Variants in METTL16 observed in about 807,000 individuals in gnomAD.
METTL16 encodes the protein RNA N(6)-adenosine-methyltransferase METTL16.
A neutral mutation model predicts 57.9 loss-of-function variants in METTL16; 19 were observed. That is an observed-to-expected ratio of 0.33 (90% confidence interval 0.23 to 0.48). The LOEUF is 0.48. Ranked by LOEUF, METTL16 falls within the 20% of genes least tolerant of loss-of-function variation. METTL16 has a pLI of 0.99. For missense variants in METTL16, 434 were observed against 691.5 expected (o/e 0.63, Z 4.18); for synonymous variants, 246 against 255.6 (o/e 0.96, Z 0.36).
intron 2 of METTL16, among the ~76,000 whole-genome samples, chr17:2,482,682 G>A (rs570034009): frequency 5.9e-5 from 9 of 152,298 alleles, no homozygotes; most frequent in Admixed American, 2.0e-4. Flanking sequence ...CGAGGTGGGC[G>A]GACTGCTTGA....
intron 2 of METTL16, among the ~76,000 whole-genome samples, chr17:2,497,304 C>CCT (rs1278869778): frequency 8.1e-5 from 6 of 73,844 alleles, no homozygotes; most frequent in Non-Finnish European, 1.6e-4. Flanking sequence ...CTGCACCCGG[C>CCT]CTTTTTTTTT....
At chr17:2,505,690 T>C (rs571359958) in intron 1 of METTL16, among the ~76,000 whole-genome samples, 2 of 152,132 alleles carry the variant, frequency 1.3e-5, no homozygotes, top group East Asian at 3.9e-4. Flanking sequence ...CCGCACCTGG[T>C]TTACAGTAGC....
At chr17:2,500,652 G>A (rs546257348) in intron 2 of METTL16, among the ~76,000 whole-genome samples, 5 of 151,956 alleles carry the variant, frequency 3.3e-5, no homozygotes, top group Non-Finnish European at 7.4e-5. Context: ...GAATCACCAC[G>A]CCTCTCTCCA....
At chr17:2,507,111 A>G (rs1287175893) in intron 1 of METTL16, among the ~76,000 whole-genome samples, 3,498 of 129,248 alleles carry the variant, frequency 0.027, 68 homozygotes, top group African/African-American at 0.066. Context: ...CGCCCCGTCC[A>G]GGAGGTGAGG....
At chr17:2,475,154 C>T (rs1192016838) in intron 3 of METTL16, 1 of 152,186 alleles carries the variant, frequency 6.6e-6, no homozygotes, top group African/African-American at 2.4e-5. Flanking sequence ...ACTGCTTCCT[C>T]ATTACGCATC....
intron 6 of METTL16, among the ~76,000 whole-genome samples, chr17:2,448,899 C>T (rs1284554696): frequency 4.1e-5 from 6 of 147,886 alleles, no homozygotes; most frequent in Admixed American, 1.3e-4. Context: ...TGGTGGTGCG[C>T]GCCTGTAGTC....
intron 6 of METTL16, among the ~76,000 whole-genome samples, chr17:2,463,402 C>T (rs2067164828): frequency 6.6e-6 from 1 of 152,116 alleles, no homozygotes; most frequent in African/African-American, 2.4e-5. Flanking sequence ...CATGGAACAT[C>T]CTCAGAAACA....
intron 6 of METTL16, among the ~76,000 whole-genome samples, chr17:2,441,853 C>G (rs968408899): frequency 1.3e-5 from 2 of 152,176 alleles, no homozygotes; most frequent in African/African-American, 2.4e-5. Flanking sequence ...TCTCATCTGT[C>G]ATGCTTACAA....
chr17:2,463,818 T>A (rs756578079), intron 6 of METTL16, among the ~76,000 whole-genome samples: 5 of 152,018 alleles, frequency 3.3e-5, no homozygotes. Flanking sequence ...CTGAGTGACA[T>A]AGTTTGTTTT....
chr17:2,498,174 A>G (rs112929204), intron 2 of METTL16, among the ~76,000 whole-genome samples: 3,990 of 141,152 alleles, frequency 0.028, 164 homozygotes, highest in African/African-American at 0.074. Flanking sequence ...AGCCTGGGCG[A>G]CAGAGTAAGA....
chr17:2,441,527 C>T lies in METTL16; in HGVS notation c.761G>A (p.Ser254Asn). Residue 254 changes from serine to asparagine, a missense_variant, in exon 7 of 10, where the codon AGC (serine) becomes AAC (asparagine). Around this residue, in one of 5 missense-constraint regions of METTL16, gnomAD observed 96 missense variants for 138.3 expected, o/e 0.69. Coordinates refer to ENST00000263092, the MANE Select transcript of METTL16 (RefSeq NM_024086.4). The part of the protein sequence containing the change: ...WYSCMLGKKC[S>N]LAPLKEELRI... ...AAGCTCCTCCTTCAGAGGCGCCAGG[C>T]TGCATTTCTTTCCCAGCATGCAGCT... 2 of 1,596,692 alleles carry T rather than the reference C, an allele frequency of 1.3e-6. No individual in the cohort carries two copies. Among genetic ancestry groups the T allele is most frequent in the Non-Finnish European group, 1.7e-6 (2 of 1,170,208 alleles).
At chr17:2,426,647 C>G (rs187615944) in intron 8 of METTL16, among the ~76,000 whole-genome samples, 6 of 142,308 alleles carry the variant, frequency 4.2e-5, no homozygotes, top group African/African-American at 1.6e-4. Context: ...GAGAATTGCT[C>G]GAACCAGGGA....
At chr17:2,448,882 C>G (rs917310272) in intron 6 of METTL16, among the ~76,000 whole-genome samples, 11 of 138,512 alleles carry the variant, frequency 7.9e-5, no homozygotes, top group African/African-American at 2.9e-4. Context: ...CAAAAATTAG[C>G]TGGGTGTGGT....
chr17:2,460,290 T>C (rs923413884), intron 6 of METTL16: 1 of 152,000 alleles, frequency 6.6e-6, no homozygotes, highest in African/African-American at 2.4e-5. Flanking sequence ...AAGCACAAAA[T>C]GGCCAGCTCT....
At chr17:2,427,786 G>C (rs1413258299) in intron 8 of METTL16, among the ~76,000 whole-genome samples, 1 of 151,946 alleles carries the variant, frequency 6.6e-6, no homozygotes, top group African/African-American at 2.4e-5. Flanking sequence ...ATGAAATTAA[G>C]TAAAAACCCA....
intron 2 of METTL16, among the ~76,000 whole-genome samples, chr17:2,491,735 C>T (rs868631140): frequency 1.3e-4 from 19 of 150,046 alleles, no homozygotes; most frequent in Non-Finnish European, 2.1e-4. Context: ...ATTAGCCAGG[C>T]GTGGTGGTGG....
At chr17:2,458,748 C>A (rs1437233061) in intron 6 of METTL16, among the ~76,000 whole-genome samples, 1 of 151,874 alleles carries the variant, frequency 6.6e-6, no homozygotes, top group Admixed American at 6.6e-5. Context: ...ACAATTCAGG[C>A]CATGAGGAGT....
intron 6 of METTL16, among the ~76,000 whole-genome samples, chr17:2,447,591 C>T: frequency 8.7e-6 from 1 of 114,574 alleles, no homozygotes; most frequent in South Asian, 3.4e-4. Flanking sequence ...GGGGTCAGCC[C>T]CCCGCCCGGC....
At chr17:2,462,696 A>G (rs2067159073) in intron 6 of METTL16, among the ~76,000 whole-genome samples, 1 of 152,010 alleles carries the variant, frequency 6.6e-6, no homozygotes, top group Non-Finnish European at 1.5e-5. Context: ...ACCTTCCGCC[A>G]TGATTGTACG....
Sources: allele counts gnomAD v4.1 joint callset (sites outside exome capture counted in the v4.1 genomes callset), GRCh38; gene constraint gnomAD v4.1.1; regional missense constraint gnomAD v4.1.1; transcripts MANE v1.5; gene names NCBI Gene and HGNC (gene_info 2026-07-23, HGNC 2026-07-21).